The following TGFB2 variants were observed in gnomAD, a reference collection of about 807,000 sequenced individuals.
The protein encoded by TGFB2 is transforming growth factor beta 2.
TGFB2 carries 13 observed loss-of-function variants against 42.7 expected under a neutral mutation model. The observed-to-expected ratio is 0.30, with a 90% CI of 0.20 to 0.48. The LOEUF is 0.48. Ranked by LOEUF, TGFB2 falls within the 20% of genes least tolerant of loss-of-function variation. TGFB2 has a pLI of 0.99. For synonymous variants in TGFB2, 193 were observed against 193.6 expected (o/e 1.00, Z 0.03); for missense variants, 390 against 517.5 (o/e 0.75, Z 2.39).
intron 2 of TGFB2, among the ~76,000 whole-genome samples, chr1:218,419,352 A>G (rs977757531): frequency 2.6e-5 from 4 of 152,170 alleles, no homozygotes; most frequent in African/African-American, 7.2e-5. Flanking sequence ...GTCTTTCCTT[A>G]GAGACCACCT....
At chr1:218,409,194 C>T (rs1051520196) in intron 2 of TGFB2, among the ~76,000 whole-genome samples, 14 of 152,204 alleles carry the variant, frequency 9.2e-5, no homozygotes, top group African/African-American at 3.4e-4. Flanking sequence ...TCACCTCCTG[C>T]TGTGCGGCCC....
Position 218,347,687 on chromosome 1 carries a change from C to CA in TGFB2, c.346+644dup, listed in dbSNP as rs1300867051. ...CACTAGGTGTTTCATTACCCAAAGGCAAAATCCTATAACCACGTTCCCTTT... is the reference window on the plus strand; with the variant it reads ...CACTAGGTGTTTCATTACCCAAAGGCAAAAATCCTATAACCACGTTCCCTTT... On this transcript the variant is annotated intron_variant, in intron 1 of 6. Coordinates refer to ENST00000366930, the MANE Select transcript of TGFB2 (RefSeq NM_003238.6). Among the ~76,000 whole-genome samples the CA allele has an allele frequency of 6.6e-5, 10 of 152,272 alleles. No homozygotes were observed. In the East Asian group the frequency reaches 1.2e-3, roughly 18 times the overall value.
intron 1 of TGFB2, among the ~76,000 whole-genome samples, chr1:218,382,742 GT>G (rs1658005210): frequency 6.6e-6 from 1 of 152,178 alleles, no homozygotes; most frequent in Admixed American, 6.5e-5. Flanking sequence ...TGATTTGCTT[GT>G]GATGAATCGG....
At chr1:218,423,740 A>G (rs1489237688) in intron 2 of TGFB2, among the ~76,000 whole-genome samples, 1 of 152,214 alleles carries the variant, frequency 6.6e-6, no homozygotes, top group Non-Finnish European at 1.5e-5. Context: ...AGGCATTAGA[A>G]GCCTCTGAAA....
chr1:218,418,182 C>T (rs750744087), intron 2 of TGFB2, among the ~76,000 whole-genome samples: 1 of 152,216 alleles, frequency 6.6e-6, no homozygotes, highest in Non-Finnish European at 1.5e-5. Flanking sequence ...CCCATAAAAG[C>T]AGCCAAGAGG....
rs10482729 is a variant in TGFB2, at chr1:218,349,220, G to C, written c.346+2173G>C. Among the ~76,000 whole-genome samples the C allele has an allele frequency of 5.5e-3, 842 of 152,166 alleles. 7 individuals are homozygous for C. The highest frequency in any genetic ancestry group is 0.018 in the African/African-American group (767 of 41,500). ...TATTCTGTATGGAAGTTTAGGAGCA[G>C]AAAGCCATATTAATAGCAGGTTCGA... is the stretch of plus-strand genomic sequence containing the variant. On this transcript the variant is annotated intron_variant, in intron 1 of 6. Transcript: ENST00000366930.
At chr1:218,432,767 G>C (rs140420852) in intron 2 of TGFB2, among the ~76,000 whole-genome samples, 202 of 152,240 alleles carry the variant, frequency 1.3e-3, no homozygotes, top group African/African-American at 4.6e-3. Flanking sequence ...TTGCTGGAGA[G>C]ACCAAGCCCA....
intron 2 of TGFB2, among the ~76,000 whole-genome samples, chr1:218,422,248 C>T (rs1201465019): frequency 4.0e-5 from 6 of 150,560 alleles, no homozygotes; most frequent in African/African-American, 1.2e-4. Context: ...GACAGAGTCT[C>T]GCTCTGTCAC....
chr1:218,351,569 T>A lies in TGFB2; in HGVS notation c.346+4522T>A, dbSNP rs1656868228. On this transcript the variant is annotated intron_variant, in intron 1 of 6. Coordinates refer to ENST00000366930, the MANE Select transcript of TGFB2 (RefSeq NM_003238.6). ...ACCTCTCAAAGAAGTATACTATTTATAACGAAAGCAGTTGGGTCGTCTTTG... is the reference window on the plus strand; with the variant it reads ...ACCTCTCAAAGAAGTATACTATTTAAAACGAAAGCAGTTGGGTCGTCTTTG... 2.6e-5 allele frequency among the ~76,000 whole-genome samples: 4 copies of A among 152,176 alleles called. No homozygotes were observed. In the South Asian group the frequency reaches 8.3e-4, roughly 32 times the overall value.
At chr1:218,421,769 G>A (rs1445213346) in intron 2 of TGFB2, among the ~76,000 whole-genome samples, 1 of 152,140 alleles carries the variant, frequency 6.6e-6, no homozygotes, top group Non-Finnish European at 1.5e-5. Flanking sequence ...AGGAGGGTGG[G>A]TCCCTAATCC....
At position 218,348,290 on chromosome 1, in the gene TGFB2, A is replaced by G. The variant is rs1023964496; in HGVS notation, c.346+1243A>G. 2.6e-5 allele frequency among the ~76,000 whole-genome samples: 4 copies of G among 152,126 alleles called. No homozygotes were observed. The East Asian group carries it at 7.7e-4, about 29-fold the overall frequency. ...CTGTATACTTGCTGGCTGCCTTTGC[A>G]AAGTCTCTGTGTCTTGCCTAAATAG... On this transcript the variant is annotated intron_variant, in intron 1 of 6. Transcript: ENST00000366930.
At chr1:218,373,117 G>A (rs1214726573) in intron 1 of TGFB2, among the ~76,000 whole-genome samples, 1 of 152,190 alleles carries the variant, frequency 6.6e-6, no homozygotes, top group Non-Finnish European at 1.5e-5. Context: ...GGCGGAGGTT[G>A]TGGTGAGCTG....
intron 6 of TGFB2, 138 bp downstream of exon 6, chr1:218,437,634 T>C: frequency 1.0e-6 from 1 of 956,478 alleles, no homozygotes; most frequent in East Asian, 3.0e-5. Flanking sequence ...AAATCTTTCA[T>C]TAGGTTGGTG....
intron 6 of TGFB2, among the ~76,000 whole-genome samples, chr1:218,438,073 A>G (rs1470205654): frequency 2.0e-5 from 3 of 152,202 alleles, no homozygotes; most frequent in East Asian, 1.9e-4. Context: ...AAACATTAGA[A>G]TTTATTCCTT....
chr1:218,386,794 G>A (rs1294440284), intron 1 of TGFB2, among the ~76,000 whole-genome samples: 1 of 152,172 alleles, frequency 6.6e-6, no homozygotes, highest in Non-Finnish European at 1.5e-5. Flanking sequence ...CTCTTTGGCT[G>A]TCAATGTTCT....
chr1:218,347,113 C>T, intron 1 of TGFB2, 66 bp downstream of exon 1: 1 of 1,447,056 alleles, frequency 6.9e-7, no homozygotes, highest in East Asian at 2.5e-5. Flanking sequence ...AAAACCGCAG[C>T]AGCTCCCGGG....
chr1:218,384,403 G>A (rs888814807), intron 1 of TGFB2, among the ~76,000 whole-genome samples: 2 of 152,232 alleles, frequency 1.3e-5, no homozygotes, highest in Non-Finnish European at 2.9e-5. Context: ...GACAGATTAT[G>A]TATAATAAGA....
intron 1 of TGFB2, among the ~76,000 whole-genome samples, chr1:218,376,264 T>A (rs984211576): frequency 5.3e-5 from 8 of 152,190 alleles, no homozygotes; most frequent in Non-Finnish European, 8.8e-5. Flanking sequence ...GCTCAGACCT[T>A]GCATGAAAGG....
intron 1 of TGFB2, among the ~76,000 whole-genome samples, chr1:218,392,890 G>A (rs1446579093): frequency 6.6e-6 from 1 of 152,136 alleles, no homozygotes; most frequent in Non-Finnish European, 1.5e-5. Context: ...ATCCTAGCAG[G>A]GTGTGCCCCG....
Sources: gnomAD v4.1 joint callset for allele counts (sites outside exome capture counted in the v4.1 genomes callset) on GRCh38, gnomAD v4.1.1 for gene constraint, MANE v1.5 for transcripts, NCBI Gene and HGNC (gene_info 2026-07-23, HGNC 2026-07-21) for gene names.